Variants in PCDHGA9 observed in about 807,000 individuals in gnomAD.
PCDHGA9 encodes protocadherin gamma-A9.
Under a neutral mutation model 62.5 loss-of-function variants are expected in PCDHGA9, and 37 were observed. The observed-to-expected ratio is 0.59, with a 90% CI of 0.46 to 0.78. The LOEUF (loss-of-function observed/expected upper bound fraction) is 0.78. Ranked by LOEUF, PCDHGA9 falls within the 30% of genes least tolerant of loss-of-function variation. PCDHGA9 has a pLI of 0.00. For synonymous variants in PCDHGA9, 459 were observed against 484.6 expected, an observed-to-expected ratio of 0.95 and a Z score of 0.69; for missense variants, 1,138 against 1,166.2, an observed-to-expected ratio of 0.98 and a Z score of 0.35.
intron 1 of PCDHGA9, chr5:141,422,866 G>C: frequency 1.2e-6 from 2 of 1,614,216 alleles, no homozygotes; most frequent in Non-Finnish European, 8.5e-7. Context: ...CAGCAGCAAC[G>C]TGTCGCTGAG....
intron 1 of PCDHGA9, among the ~76,000 whole-genome samples, chr5:141,484,797 G>C (rs1228143036): frequency 6.6e-6 from 1 of 152,064 alleles, no homozygotes; most frequent in Non-Finnish European, 1.5e-5. Flanking sequence ...ATAACAACCC[G>C]TGGAAAAACA....
In PCDHGA9 at chr5:141,413,494, G is replaced by A. The variant is rs778441176; in HGVS notation, c.2424+8118G>A. The A allele has an allele frequency of 2.5e-5, 41 of 1,613,924 alleles. No homozygotes were observed. Among genetic ancestry groups the A allele is most frequent in the Non-Finnish European group, 3.1e-5 (37 of 1,179,948 alleles). On this transcript the variant is annotated intron_variant, in intron 1 of 3. Transcript: ENST00000573521. Reference sequence around the variant, plus strand: ...GCTCTGCGCTCAGAGCGCGCGGTGCGTGGTGAGTTTTAATATCCTTGTGGA... The same window carrying A: ...GCTCTGCGCTCAGAGCGCGCGGTGCATGGTGAGTTTTAATATCCTTGTGGA...
chr5:141,504,752 A>G (rs1194764381), intron 2 of PCDHGA9, among the ~76,000 whole-genome samples: 23 of 151,894 alleles, frequency 1.5e-4, no homozygotes, highest in Non-Finnish European at 3.2e-4. Flanking sequence ...TGAATTTTAG[A>G]AATTTCTTCT....
intron 1 of PCDHGA9, among the ~76,000 whole-genome samples, chr5:141,473,422 A>C (rs2154571673): frequency 6.6e-6 from 1 of 152,332 alleles, no homozygotes; most frequent in African/African-American, 2.4e-5. Context: ...TGGGGGAAGC[A>C]GATACTTTGC....
Position 141,477,354 on chromosome 5 carries a change from C to T in PCDHGA9, c.2425-17453C>T, listed in dbSNP as rs1164062950. On this transcript the variant is annotated intron_variant, in intron 1 of 3. Coordinates refer to ENST00000573521, the MANE Select transcript of PCDHGA9 (RefSeq NM_018921.3). This position sits in a 1 kb window ranked among gnomAD's most constrained non-coding sequence, Gnocchi z 4.9. ...AATTACTTCACTTTGAAAACCAGTG[C>T]AGACCTGGATCGGGAGACTGTGCCA... 14 of 1,614,202 alleles carry T rather than the reference C, an allele frequency of 8.7e-6. No homozygotes were observed. The highest frequency in any genetic ancestry group is 1.1e-5 in the Non-Finnish European group (13 of 1,180,036).
At position 141,489,646 on chromosome 5, in the gene PCDHGA9, C is replaced by A. The variant is rs1274955075; in HGVS notation, c.2425-5161C>A. 1.2e-6 allele frequency: 2 copies of A among 1,614,186 alleles called. No homozygotes were observed. The highest frequency in any genetic ancestry group is 2.7e-5 in the African/African-American group (2 of 75,048). On this transcript the variant is annotated intron_variant, in intron 1 of 3. Coordinates refer to ENST00000573521, the MANE Select transcript of PCDHGA9 (RefSeq NM_018921.3). This position sits in a 1 kb window ranked among gnomAD's most constrained non-coding sequence, Gnocchi z 4.5. Reference sequence around the variant, plus strand: ...TGACAACTCTCCTAGCTTTGCCACCCCTGAGCGAGAGATGCGCATCTCAGA... The same window carrying A: ...TGACAACTCTCCTAGCTTTGCCACCACTGAGCGAGAGATGCGCATCTCAGA...
intron 1 of PCDHGA9, chr5:141,419,308 C>G: frequency 6.2e-7 from 1 of 1,614,026 alleles, no homozygotes; most frequent in Non-Finnish European, 8.5e-7. Flanking sequence ...ACTTCGGGCT[C>G]AACGGCCGTG....
In PCDHGA9 at chr5:141,432,927, G is replaced by T. The variant is rs774982939; in HGVS notation, c.2424+27551G>T. ...AGGCTGCGGCGCTGGCACAAGTCAC[G>T]CCTGCTGCAGGCTTCAGGAGGCGGC... is the stretch of plus-strand genomic sequence containing the variant. On this transcript the variant is annotated intron_variant, in intron 1 of 3. Coordinates refer to ENST00000573521, the MANE Select transcript of PCDHGA9 (RefSeq NM_018921.3). This position sits in a 1 kb window ranked among gnomAD's most constrained non-coding sequence, Gnocchi z 6.0. 1.9e-6 allele frequency: 3 copies of T among 1,614,162 alleles called. No homozygotes were observed. In the Admixed American group the frequency reaches 5.0e-5, roughly 27 times the overall value.
At position 141,486,927 on chromosome 5, in the gene PCDHGA9, G is replaced by T. The variant is rs2099637231; in HGVS notation, c.2425-7880G>T. On this transcript the variant is annotated intron_variant, in intron 1 of 3. Transcript: ENST00000573521. The surrounding 1 kb of genome is among the most constrained non-coding windows in gnomAD (Gnocchi z 5.0). ...CCCCAAGCACTGCCTCCATCAGTTG[G>T]TGCTGGCCACCTAATCACAAAGGTG... 1 of 1,614,108 alleles carries T rather than the reference G, an allele frequency of 6.2e-7. No homozygotes were observed. Among genetic ancestry groups the T allele is most frequent in the Non-Finnish European group, 8.5e-7 (1 of 1,180,054 alleles).
rs372648693 is a variant in PCDHGA9, at chr5:141,417,997, G to A, written c.2424+12621G>A. 244 of 1,613,872 alleles carry A rather than the reference G, an allele frequency of 1.5e-4. No homozygotes were observed. The Middle Eastern group carries it at 3.5e-3, about 23-fold the overall frequency. On this transcript the variant is annotated intron_variant, in intron 1 of 3. Transcript: ENST00000573521. ...CGGAGGAGCTGGCCAAGGGCTCGGT[G>A]GTGGGGAACCTCGCTAAGGATCTAG...
chr5:141,422,298 T>G, intron 1 of PCDHGA9: 1 of 1,549,054 alleles, frequency 6.5e-7, no homozygotes, highest in Non-Finnish European at 8.7e-7. Flanking sequence ...TTAATTCAAT[T>G]CTGGAAAACT....
chr5:141,438,054 T>C (rs1451843979), intron 1 of PCDHGA9, among the ~76,000 whole-genome samples: 2 of 152,182 alleles, frequency 1.3e-5, no homozygotes, highest in African/African-American at 4.8e-5. Flanking sequence ...TTGAGTTCAC[T>C]TTTAAGAAAC....
In PCDHGA9 at chr5:141,462,417, A is replaced by G. The variant is rs184240612; in HGVS notation, c.2425-32390A>G. 4.0e-4 allele frequency among the ~76,000 whole-genome samples: 61 copies of G among 152,300 alleles called. 1 individual carries two copies. The highest frequency in any genetic ancestry group is 3.2e-3 in the Admixed American group (49 of 15,300). ...TCTTTTATGGCACAGAATATGGTCT[A>G]TCTTGGTGAGTGTTGCTTACACACA... On this transcript the variant is annotated intron_variant, in intron 1 of 3. Transcript: ENST00000573521.
intron 1 of PCDHGA9, among the ~76,000 whole-genome samples, chr5:141,454,032 C>T (rs2098780173): frequency 6.6e-6 from 1 of 152,126 alleles, no homozygotes; most frequent in Non-Finnish European, 1.5e-5. Flanking sequence ...AAGAATTGGC[C>T]AGCAAAGATA....
chr5:141,432,934 G>T lies in PCDHGA9; in HGVS notation c.2424+27558G>T, dbSNP rs377666802. 1.2e-6 allele frequency: 2 copies of T among 1,614,078 alleles called. No individual in the cohort carries two copies. The highest frequency in any genetic ancestry group is 1.3e-5 in the African/African-American group (1 of 74,940). On this transcript the variant is annotated intron_variant, in intron 1 of 3. Coordinates refer to ENST00000573521, the MANE Select transcript of PCDHGA9 (RefSeq NM_018921.3). This position sits in a 1 kb window ranked among gnomAD's most constrained non-coding sequence, Gnocchi z 6.0. ...GGCGCTGGCACAAGTCACGCCTGCT[G>T]CAGGCTTCAGGAGGCGGCTTGACAG...
intron 1 of PCDHGA9, among the ~76,000 whole-genome samples, chr5:141,480,386 A>G (rs966068994): frequency 6.6e-6 from 1 of 151,826 alleles, no homozygotes; most frequent in Non-Finnish European, 1.5e-5. Context: ...CTACACTTCA[A>G]CCATGGCAAT....
At chr5:141,417,001 A>G (rs1590037654) in intron 1 of PCDHGA9, 1 of 150,924 alleles carries the variant, frequency 6.6e-6, no homozygotes, top group African/African-American at 2.5e-5. Context: ...TTCATCTCAA[A>G]TAATTCTATT....
chr5:141,419,177 C>T (rs1223789288), intron 1 of PCDHGA9: 8 of 1,613,862 alleles, frequency 5.0e-6, no homozygotes, highest in Admixed American at 1.7e-5. Flanking sequence ...AACCATAACC[C>T]TGCACATTAC....
At chr5:141,479,056 A>G (rs952560687) in intron 1 of PCDHGA9, among the ~76,000 whole-genome samples, 1 of 152,098 alleles carries the variant, frequency 6.6e-6, no homozygotes, top group Admixed American at 6.5e-5. Context: ...TTCTCAGATA[A>G]TTTTTTATGA....
Sources: allele counts gnomAD v4.1 joint callset (sites outside exome capture counted in the v4.1 genomes callset), GRCh38; gene constraint gnomAD v4.1.1; non-coding constraint Gnocchi (gnomAD v3.1); transcripts MANE v1.5; gene names NCBI Gene and HGNC (gene_info 2026-07-23, HGNC 2026-07-21).